SEC16B: variants seen among roughly 807,000 people sequenced by gnomAD.
SEC16B encodes SEC16 homolog B, endoplasmic reticulum export factor.
A neutral mutation model predicts 141.8 loss-of-function variants in SEC16B; 115 were observed. The observed-to-expected ratio is 0.81, with a 90% confidence interval of 0.70 to 0.95. SEC16B has a LOEUF of 0.95. SEC16B is among the 40% of genes least tolerant of loss of function. The pLI, the probability that SEC16B is intolerant of heterozygous loss-of-function variation, is 0.00. For missense variants in SEC16B, 1,291 were observed against 1,312.3 expected (o/e 0.98, Z 0.25); for synonymous variants, 493 against 492.5 (o/e 1.00, Z -0.01).
upstream of SEC16B, among the ~76,000 whole-genome samples, chr1:177,974,164 A>G (rs1283760592): frequency 3.3e-5 from 5 of 151,970 alleles, no homozygotes; most frequent in African/African-American, 9.7e-5. Flanking sequence ...AAGAGGAGCC[A>G]GTTTGGTGGG....
Position 177,967,892 on chromosome 1 carries a change from A to G in SEC16B, c.90T>C (p.Asp30=). 1.9e-6 allele frequency: 3 copies of G among 1,613,926 alleles called. No individual in the cohort carries two copies. Among genetic ancestry groups the G allele is most frequent in the Non-Finnish European group, 2.5e-6 (3 of 1,179,876 alleles). ...SKDPDRGFRR[D]GHHRPVPHSW... ...AGTGAGGGACAGGCCGATGATGTCC[A>G]TCTCTCCGAAACCCTCGGTCTGGAT... Residue 30 remains aspartate (D), a synonymous_variant, in exon 2 of 26, where the codon GAT becomes GAC. Coordinates refer to ENST00000308284, the MANE Select transcript of SEC16B (RefSeq NM_033127.4).
intron 2 of SEC16B, 125 bp downstream of exon 2, chr1:177,967,558 T>G: frequency 1.0e-6 from 1 of 965,108 alleles, no homozygotes; most frequent in Non-Finnish European, 1.5e-6. Context: ...TAAAGCCACG[T>G]AGTAAGGTAG....
chr1:177,966,566 T>A (rs1653536003), intron 2 of SEC16B, among the ~76,000 whole-genome samples: 1 of 128,134 alleles, frequency 7.8e-6, no homozygotes, highest in Admixed American at 7.9e-5. Context: ...TTTTTATCAA[T>A]TAATAATTTT....
chr1:177,948,638 C>T (rs1199168679), intron 12 of SEC16B: 2 of 1,291,706 alleles, frequency 1.5e-6, no homozygotes, highest in African/African-American at 3.1e-5. Context: ...TAAGGCTGTC[C>T]TACTAAATAA....
rs776997111 is a variant in SEC16B at position 177,933,460 on chromosome 1, G to A, written c.2724+24C>T. On this transcript the variant is annotated intron_variant, in intron 21 of 25. Transcript: ENST00000308284. Reference sequence around the variant, plus strand: ...GGAATGGCAGGGGAAGGAAGGCAGGGGAGAGAAGAACAAGTCCCTCCACCT... The same window carrying A: ...GGAATGGCAGGGGAAGGAAGGCAGGAGAGAGAAGAACAAGTCCCTCCACCT... 4 of 1,607,748 alleles carry A rather than the reference G, an allele frequency of 2.5e-6. No homozygotes were observed. In the South Asian group the frequency reaches 3.3e-5, roughly 13 times the overall value.
upstream of SEC16B, among the ~76,000 whole-genome samples, chr1:177,972,955 G>A (rs1654021995): frequency 6.6e-6 from 1 of 152,152 alleles, no homozygotes; most frequent in Non-Finnish European, 1.5e-5. Context: ...AAACCAGGAA[G>A]TGGCCCTCAC....
At position 177,930,531 on chromosome 1, in the gene SEC16B, G is replaced by A. The variant is rs1306498238; in HGVS notation, c.3111+14C>T. The A allele has an allele frequency of 6.2e-7, 1 of 1,600,378 alleles. No individual in the cohort carries two copies. The highest frequency in any genetic ancestry group is 1.3e-5 in the African/African-American group (1 of 74,614). ...GTACTCCTGGCCAGCCCCTCCCCCT[G>A]AGGGCTTCCTTACCTGAGGCACCTG... On this transcript the variant is annotated intron_variant, in intron 25 of 25. Transcript: ENST00000308284.
chr1:177,958,842 C>T lies in SEC16B; in HGVS notation c.1132G>A (p.Gly378Arg). ...QLLVLLCRQN[G>R]SMVGSDIAEL... ...TCTCCCACCAGAACAGAACTTACCC[C>T]ATTCTGGCGACAAAGGAGAACCAAG... Residue 378 changes from glycine to arginine, a missense_variant and splice_region_variant, in exon 9 of 26, where the codon GGG (glycine) becomes AGG (arginine). Transcript: ENST00000308284. 19 of 1,613,234 alleles carry T rather than the reference C, an allele frequency of 1.2e-5. No individual in the cohort carries two copies. Among genetic ancestry groups the T allele is most frequent in the Non-Finnish European group, 1.6e-5 (19 of 1,179,424 alleles).
At chr1:177,931,293 T>C (rs1474841662) in intron 24 of SEC16B, among the ~76,000 whole-genome samples, 1 of 151,900 alleles carries the variant, frequency 6.6e-6, no homozygotes, top group African/African-American at 2.4e-5. Flanking sequence ...GAAGCCGGAG[T>C]CCATTATTCT....
chr1:177,954,948 A>G (rs929855989), intron 10 of SEC16B, among the ~76,000 whole-genome samples: 2 of 152,168 alleles, frequency 1.3e-5, no homozygotes, highest in African/African-American at 4.8e-5. Flanking sequence ...ATGAATCACA[A>G]AAGTACTTCA....
chr1:177,946,351 A>C, intron 14 of SEC16B, 69 bp downstream of exon 14: 2 of 1,166,202 alleles, frequency 1.7e-6, no homozygotes, highest in Middle Eastern at 1.9e-4. Context: ...GGATCCATAA[A>C]ACCCAACAAG....
chr1:177,960,698 C>G, intron 7 of SEC16B, 93 bp downstream of exon 7: 1 of 1,373,464 alleles, frequency 7.3e-7, no homozygotes, highest in East Asian at 2.5e-5. Flanking sequence ...CCTGGAGATG[C>G]CCCGGCTCAG....
intron 1 of SEC16B, among the ~76,000 whole-genome samples, chr1:177,975,893 G>T (rs1264056457): frequency 2.6e-5 from 4 of 152,300 alleles, no homozygotes; most frequent in Middle Eastern, 6.8e-3. Flanking sequence ...AGGTGAGCTG[G>T]GTGGCAGACA....
chr1:177,950,705 A>G (rs953501582), intron 12 of SEC16B, among the ~76,000 whole-genome samples: 3 of 152,120 alleles, frequency 2.0e-5, no homozygotes, highest in Non-Finnish European at 2.9e-5. Context: ...CTGAGTTACT[A>G]GAGCTCAGGA....
chr1:177,936,792 A>G (rs1650875346), intron 19 of SEC16B, among the ~76,000 whole-genome samples: 1 of 152,210 alleles, frequency 6.6e-6, no homozygotes, highest in South Asian at 2.1e-4. Flanking sequence ...CGAAGGTCTG[A>G]TGGGCCTGAA....
At chr1:177,964,731 A>C (rs1299002949) in intron 4 of SEC16B, among the ~76,000 whole-genome samples, 1 of 152,180 alleles carries the variant, frequency 6.6e-6, no homozygotes, top group Non-Finnish European at 1.5e-5. Flanking sequence ...AATCGTGAGA[A>C]CTTTTGCTAG....
At chr1:177,973,522 G>A (rs1384789561), upstream of SEC16B, among the ~76,000 whole-genome samples, 4 of 152,126 alleles carry the variant, frequency 2.6e-5, no homozygotes, top group African/African-American at 9.7e-5. Context: ...ACCATCAAAT[G>A]TGTTATTGTC....
At chr1:177,979,507 A>G (rs1009271672) in intron 1 of SEC16B, among the ~76,000 whole-genome samples, 2 of 152,236 alleles carry the variant, frequency 1.3e-5, no homozygotes, top group Non-Finnish European at 2.9e-5. Flanking sequence ...GCTCCCCAGC[A>G]GTGCTGTTCT....
chr1:177,965,088 G>GTTTT lies in SEC16B; in HGVS notation c.488_491dup (p.Asn164LysfsTer11), dbSNP rs1653407136. On this transcript the variant is annotated frameshift_variant, in exon 4 of 26. Coordinates refer to ENST00000308284, the MANE Select transcript of SEC16B (RefSeq NM_033127.4). LOFTEE classifies it high-confidence loss of function. ...TATTTGTTCCAAATGGACTGTGCTG[G>GTTTT]TTTTCATAATGATGTTCATCAAGGT... 3 of 1,613,372 alleles carry GTTTT rather than the reference G, an allele frequency of 1.9e-6. No individual in the cohort carries two copies. The highest frequency in any genetic ancestry group is 2.5e-6 in the Non-Finnish European group (3 of 1,179,774).
Sources: allele counts gnomAD v4.1 joint callset (sites outside exome capture counted in the v4.1 genomes callset), GRCh38; gene constraint gnomAD v4.1.1; transcripts MANE v1.5; gene names NCBI Gene and HGNC (gene_info 2026-07-23, HGNC 2026-07-21).